Variants in KCNT2 observed in about 807,000 individuals in gnomAD.
KCNT2 encodes potassium sodium-activated channel subfamily T member 2.
In KCNT2, 67 loss-of-function variants were observed where a neutral mutation model predicts 153.8. The ratio of observed to expected loss-of-function variants is 0.44; its 90% CI spans 0.36 to 0.53. The LOEUF is 0.53. Ranked by LOEUF, KCNT2 falls within the 20% of genes least tolerant of loss-of-function variation. KCNT2 has a pLI of 0.00. For synonymous variants in KCNT2, 500 were observed against 458.8 expected, an observed-to-expected ratio of 1.09 and a Z score of -1.15; for missense variants, 975 against 1,354.8, an observed-to-expected ratio of 0.72 and a Z score of 4.40.
chr1:196,523,668 CAA>C (rs1199948503), intron 1 of KCNT2, among the ~76,000 whole-genome samples: 1 of 152,074 alleles, frequency 6.6e-6, no homozygotes, highest in Non-Finnish European at 1.5e-5. Context: ...TATTGGGTCT[CAA>C]AGCATCTGAT....
At position 196,608,439 on chromosome 1, in the gene KCNT2, AG is replaced by A. The variant is rs1404386345; in HGVS notation, c.-131del. 1.1e-5 allele frequency: 6 copies of A among 541,436 alleles called. No individual in the cohort carries two copies. The highest frequency in any genetic ancestry group is 1.9e-5 in the African/African-American group (1 of 52,160). The allele number at this position is 541,436 out of a possible 1,614,324, so 33.5% of individuals were successfully genotyped here. A position where few individuals can be genotyped will look rare whatever the true frequency, so the allele number is the denominator to read the frequency against. On this transcript the variant is annotated 5_prime_UTR_variant, in exon 1 of 28. Transcript: ENST00000294725. ...CCGAGAGAGGGATGGGAGAAGGGGA[AG>A]GGGACAGGGAGGGGGAGGGGGTCCG...
At chr1:196,346,819 C>A in intron 14 of KCNT2, among the ~76,000 whole-genome samples, 1 of 152,140 alleles carries the variant, frequency 6.6e-6, no homozygotes, top group South Asian at 2.1e-4. Context: ...ACACCAATTG[C>A]AGCAGAATGT....
intron 22 of KCNT2, among the ~76,000 whole-genome samples, chr1:196,297,896 T>C (rs1011364225): frequency 2.0e-5 from 3 of 152,192 alleles, no homozygotes; most frequent in Non-Finnish European, 4.4e-5. Context: ...ATGTGGTTTA[T>C]TCAATGTTGT....
chr1:196,574,568 A>G (rs1661139161), intron 1 of KCNT2, among the ~76,000 whole-genome samples: 2 of 151,892 alleles, frequency 1.3e-5, no homozygotes, highest in African/African-American at 4.8e-5. Flanking sequence ...CCTCAAGCAG[A>G]ATACGTTAAA....
At chr1:196,331,665 T>C (rs1235778203) in intron 17 of KCNT2, among the ~76,000 whole-genome samples, 5 of 152,108 alleles carry the variant, frequency 3.3e-5, no homozygotes, top group African/African-American at 9.6e-5. Flanking sequence ...TCAAAAAGCC[T>C]GAAATATTTA....
Position 196,326,740 on chromosome 1 carries a change from G to A in KCNT2, c.2253C>T (p.Pro751=), listed in dbSNP as rs1663899919. ...ACGGGTTATCCAATAGCAGTACTAT[G>A]GGATTAAGTTCTTTCTTTGGTCTAT... ...AYYRPKKELN[P]IVLLLDNPPD... The change falls in exon 19 of 28, where the codon CCC becomes CCT. Residue 751 remains proline, a synonymous_variant. Coordinates refer to ENST00000294725, the MANE Select transcript of KCNT2 (RefSeq NM_198503.5). 1 of 1,539,400 alleles carries A rather than the reference G, an allele frequency of 6.5e-7. No homozygotes were observed. The highest frequency in any genetic ancestry group is 8.7e-7 in the Non-Finnish European group (1 of 1,148,998).
intron 22 of KCNT2, among the ~76,000 whole-genome samples, chr1:196,304,842 T>G (rs1012876810): frequency 2.6e-5 from 4 of 152,154 alleles, no homozygotes; most frequent in Non-Finnish European, 4.4e-5. Context: ...AAACTTCTAC[T>G]GGGGAGGTAG....
rs531378521 is a variant in KCNT2, at chr1:196,371,325, T to C, written c.1403+1815A>G. ...GTAAATCTATAAAAGCAGAAATAGA[T>C]TGTGGTTGCCTAGGGCTGCAAGAAT... On this transcript the variant is annotated intron_variant, in intron 14 of 27. Transcript: ENST00000294725. Among the ~76,000 whole-genome samples, 6 of 149,298 alleles carry C rather than the reference T, an allele frequency of 4.0e-5. No individual in the cohort carries two copies. The East Asian group carries it at 1.2e-3, about 29-fold the overall frequency.
intron 12 of KCNT2, among the ~76,000 whole-genome samples, chr1:196,416,366 G>A (rs993165397): frequency 9.9e-5 from 15 of 152,042 alleles, no homozygotes; most frequent in African/African-American, 3.1e-4. Flanking sequence ...AAGATCTATA[G>A]TAAGACCGAA....
intron 1 of KCNT2, among the ~76,000 whole-genome samples, chr1:196,518,357 G>A (rs1429601492): frequency 1.3e-5 from 2 of 151,518 alleles, no homozygotes; most frequent in African/African-American, 4.9e-5. Flanking sequence ...ACACAAAAAA[G>A]CCAGCATAAT....
At chr1:196,263,373 A>G (rs907797241) in intron 25 of KCNT2, among the ~76,000 whole-genome samples, 1 of 152,120 alleles carries the variant, frequency 6.6e-6, no homozygotes, top group Non-Finnish European at 1.5e-5. Flanking sequence ...ATTTTCAGCA[A>G]ACTAACATAA....
At chr1:196,262,586 T>G (rs2147795233) in intron 25 of KCNT2, among the ~76,000 whole-genome samples, 1 of 152,010 alleles carries the variant, frequency 6.6e-6, no homozygotes, top group East Asian at 1.9e-4. Flanking sequence ...GCACCAAGGC[T>G]TATATATTTC....
At chr1:196,234,364 A>T (rs1354275117) in intron 27 of KCNT2, among the ~76,000 whole-genome samples, 1 of 150,712 alleles carries the variant, frequency 6.6e-6, no homozygotes, top group Non-Finnish European at 1.5e-5. Context: ...TATTTTTGTA[A>T]TCACACAGTT....
At chr1:196,374,356 G>A (rs113349930) in intron 13 of KCNT2, among the ~76,000 whole-genome samples, 7,577 of 151,714 alleles carry the variant, frequency 0.05, 284 homozygotes, top group Non-Finnish European at 0.072. Context: ...ATTGACTTTC[G>A]TTCTGCCCTG....
chr1:196,366,221 G>A (rs60012397), intron 14 of KCNT2, among the ~76,000 whole-genome samples: 3,546 of 151,122 alleles, frequency 0.023, 141 homozygotes, highest in African/African-American at 0.08. Context: ...GTGCAATGGC[G>A]CGATCTCAGC....
chr1:196,593,370 AT>A (rs1214715638), intron 1 of KCNT2, among the ~76,000 whole-genome samples: 8 of 143,156 alleles, frequency 5.6e-5, no homozygotes, highest in African/African-American at 1.0e-4. Context: ...GTATTTTTTT[AT>A]TTTTTTCTTT....
At chr1:196,261,803 T>C (rs1434224772) in intron 25 of KCNT2, among the ~76,000 whole-genome samples, 2 of 151,916 alleles carry the variant, frequency 1.3e-5, no homozygotes, top group Non-Finnish European at 2.9e-5. Context: ...CTCTGACTTT[T>C]CTATTGTAAG....
chr1:196,363,819 T>G (rs1489892146), intron 14 of KCNT2, among the ~76,000 whole-genome samples: 5 of 152,198 alleles, frequency 3.3e-5, no homozygotes, highest in Non-Finnish European at 4.4e-5. Flanking sequence ...TACTAAGACA[T>G]GTTTGCTCAT....
intron 18 of KCNT2, among the ~76,000 whole-genome samples, chr1:196,327,272 C>T (rs1019574485): frequency 6.6e-6 from 1 of 151,470 alleles, no homozygotes; most frequent in Non-Finnish European, 1.5e-5. Flanking sequence ...AGGAACATTC[C>T]CAGTACTGAA....
Sources: allele counts gnomAD v4.1 joint callset (sites outside exome capture counted in the v4.1 genomes callset), GRCh38; gene constraint gnomAD v4.1.1; transcripts MANE v1.5; gene names NCBI Gene and HGNC (gene_info 2026-07-23, HGNC 2026-07-21).